The following SLC8B1 variants were observed in gnomAD, a reference collection of about 807,000 sequenced individuals.
SLC8B1 encodes mitochondrial sodium/calcium exchanger protein.
A neutral mutation model predicts 63.4 loss-of-function variants in SLC8B1; 52 were observed. The observed-to-expected ratio is 0.82, with a 90% CI of 0.66 to 1.03. The LOEUF (loss-of-function observed/expected upper bound fraction) is 1.03. Ranked by LOEUF, SLC8B1 falls within the 50% of genes least tolerant of loss-of-function variation. The probability of loss-of-function intolerance (pLI) is 0.00; values close to 1 mark genes in which losing one functional copy is unlikely to be tolerated. For missense variants in SLC8B1, 657 were observed against 741.7 expected (o/e 0.89, Z 1.33); for synonymous variants, 336 against 323.9 (o/e 1.04, Z -0.40).
intron 11 of SLC8B1, 111 bp from the exon 12 acceptor site, chr12:113,310,466 GAC>G: frequency 7.1e-7 from 1 of 1,399,642 alleles, no homozygotes; most frequent in Non-Finnish European, 9.4e-7. Context: ...CCCTGTCCTA[GAC>G]ACTTCATGGG....
chr12:113,302,951 A>T (rs563689542), intron 15 of SLC8B1, among the ~76,000 whole-genome samples: 4 of 152,202 alleles, frequency 2.6e-5, no homozygotes, highest in African/African-American at 7.2e-5. Flanking sequence ...TTGATGTCTC[A>T]TGCCATTTAA....
Position 113,332,870 on chromosome 12 carries a change from G to A in SLC8B1, c.9C>T (p.Gly3=), listed in dbSNP as rs764503469. Residue 3 remains glycine, a synonymous_variant, in exon 2 of 16, where the codon GGC becomes GGT. Transcript: ENST00000680972. ...GTGCCCAGCGCAGATTCAGCCTTCT[G>A]CCGGCCATCTGCCCCCACGGGGCCT... is the stretch of plus-strand genomic sequence containing the variant. MA[G]RRLNLRWALS... 1 of 1,613,914 alleles carries A rather than the reference G, an allele frequency of 6.2e-7. No homozygotes were observed. The highest frequency in any genetic ancestry group is 1.1e-5 in the South Asian group (1 of 91,080).
intron 15 of SLC8B1, 146 bp from the exon 16 acceptor site, chr12:113,300,120 GCAGCCTCAACAACAATC>G (rs1217623760): frequency 1.9e-5 from 12 of 617,068 alleles, no homozygotes; most frequent in African/African-American, 9.5e-5. Context: ...CAGCAACAAT[GCAGCCTCAACAACAATC>G]CAGCCTCAAC....
chr12:113,324,316 A>C (rs950551799), intron 2 of SLC8B1, among the ~76,000 whole-genome samples: 34 of 151,816 alleles, frequency 2.2e-4, no homozygotes, highest in South Asian at 4.1e-4. Flanking sequence ...GTCTCAAAAA[A>C]AAACAAACAA....
In SLC8B1 at chr12:113,332,744, C is replaced by T. The variant is rs1344388274; in HGVS notation, c.135G>A (p.Val45=). 1 of 1,613,918 alleles carries T rather than the reference C, an allele frequency of 6.2e-7. No homozygotes were observed. Among genetic ancestry groups the T allele is most frequent in the Non-Finnish European group, 8.5e-7 (1 of 1,179,986 alleles). Residue 45 remains valine (V), a synonymous_variant, in exon 2 of 16, where the codon GTG becomes GTA. Transcript: ENST00000680972. ...TCACGTCTACCACGGGGGTCTGGTT[C>T]ACACCTGAAGCTGGAAACTGGGGGC... ...HISPQFPASG[V]NQTPVVDCRK...
rs555781644 is a variant in SLC8B1 at position 113,305,169 on chromosome 12, C to T, written c.1493-784G>A. On this transcript the variant is annotated intron_variant, in intron 14 of 15. Coordinates refer to ENST00000680972, the MANE Select transcript of SLC8B1 (RefSeq NM_001358345.2). This position sits in a 1 kb window ranked among gnomAD's most constrained non-coding sequence, Gnocchi z 4.3. ...AGGGAACTGGTGATAGTGTGTGGGCCGAGGCCATCTCTAGGGGTCGTTCAG... is the reference window on the plus strand; with the variant it reads ...AGGGAACTGGTGATAGTGTGTGGGCTGAGGCCATCTCTAGGGGTCGTTCAG... Among the ~76,000 whole-genome samples, 5 of 152,274 alleles carry T rather than the reference C, an allele frequency of 3.3e-5. No homozygotes were observed. The highest frequency in any genetic ancestry group is 1.2e-4 in the African/African-American group (5 of 41,564).
intron 11 of SLC8B1, among the ~76,000 whole-genome samples, chr12:113,314,495 C>T (rs997270452): frequency 1.3e-5 from 2 of 152,226 alleles, no homozygotes; most frequent in South Asian, 2.1e-4. Context: ...AGTTAGAAGA[C>T]GTTGGACAAG....
chr12:113,304,187 C>A, intron 15 of SLC8B1, 134 bp downstream of exon 15: 1 of 732,258 alleles, frequency 1.4e-6, no homozygotes, highest in Non-Finnish European at 2.4e-6. Flanking sequence ...GCCAAGATGT[C>A]CTAGCTCACT....
chr12:113,325,120 A>G (rs1956980867), intron 2 of SLC8B1, among the ~76,000 whole-genome samples: 1 of 152,226 alleles, frequency 6.6e-6, no homozygotes, highest in South Asian at 2.1e-4. Context: ...ATCAAATGAG[A>G]TTACAGGTGT....
chr12:113,328,895 A>C (rs2136867476), intron 2 of SLC8B1, among the ~76,000 whole-genome samples: 1 of 151,864 alleles, frequency 6.6e-6, no homozygotes, highest in Admixed American at 6.6e-5. Flanking sequence ...GGGATTGCAG[A>C]CGTCCACCAC....
chr12:113,317,982 GTGT>G (rs1285300714), intron 8 of SLC8B1, among the ~76,000 whole-genome samples: 2 of 151,934 alleles, frequency 1.3e-5, no homozygotes, highest in African/African-American at 4.8e-5. Context: ...ACACATTTGT[GTGT>G]TGTGTGAGCA....
At position 113,320,530 on chromosome 12, in the gene SLC8B1, T is replaced by C; in HGVS notation, c.527-32A>G. On this transcript the variant is annotated intron_variant, in intron 6 of 15. Coordinates refer to ENST00000680972, the MANE Select transcript of SLC8B1 (RefSeq NM_001358345.2). The surrounding 1 kb of genome is among the most constrained non-coding windows in gnomAD (Gnocchi z 5.3). ...GGAGGAGGCCAGAGCTCAGCCACCC[T>C]GCACCCTCTCCTGCTGCTTTCCCCG... The C allele has an allele frequency of 6.2e-7, 1 of 1,613,938 alleles. No individual in the cohort carries two copies. Among genetic ancestry groups the C allele is most frequent in the Non-Finnish European group, 8.5e-7 (1 of 1,179,976 alleles).
Position 113,305,437 on chromosome 12 carries a change from A to ATT in SLC8B1, c.1493-1053_1493-1052insAA, listed in dbSNP as rs1956657235. On this transcript the variant is annotated intron_variant, in intron 14 of 15. Coordinates refer to ENST00000680972, the MANE Select transcript of SLC8B1 (RefSeq NM_001358345.2). This position sits in a 1 kb window ranked among gnomAD's most constrained non-coding sequence, Gnocchi z 4.3. The stretch of plus-strand genomic sequence containing the variant: ...GCGGCCCTTCAGGCACTTTGTGATC[A>ATT]TCTTTCTTTCTTTAGCAGCCAACAG... Among the ~76,000 whole-genome samples, 1 of 152,214 alleles carries ATT rather than the reference A, an allele frequency of 6.6e-6. No individual in the cohort carries two copies. The highest frequency in any genetic ancestry group is 1.5e-5 in the Non-Finnish European group (1 of 68,032).
rs1566225230 is a variant in SLC8B1, at chr12:113,306,500, A to G, written c.1487T>C (p.Ile496Thr). 6.2e-7 allele frequency: 1 copy of G among 1,612,218 alleles called. No homozygotes were observed. Among genetic ancestry groups the G allele is most frequent in the Non-Finnish European group, 8.5e-7 (1 of 1,179,016 alleles). ...GAACAGACCACAAAGGATACTGAAG[A>G]TGATGCCGCCAAAGCAGGCGGAGAA... Reference protein sequence around the residue: ...MAFSACFGGIIFNILVGVGLG... With the variant: ...MAFSACFGGITFNILVGVGLG... The change falls in exon 14 of 16, where the codon ATC (isoleucine) becomes ACC (threonine). Residue 496 changes from isoleucine to threonine, a missense_variant. By Grantham distance (89) the Ile-to-Thr change is moderately conservative. Transcript: ENST00000680972.
intron 8 of SLC8B1, among the ~76,000 whole-genome samples, chr12:113,318,210 CAT>C (rs375963322): frequency 0.027 from 4,114 of 150,894 alleles, 65 homozygotes; most frequent in Middle Eastern, 0.06. Flanking sequence ...TGCATGTATT[CAT>C]ATATGTGTTG....
At chr12:113,307,315 C>G (rs1012262241) in intron 13 of SLC8B1, among the ~76,000 whole-genome samples, 2 of 152,116 alleles carry the variant, frequency 1.3e-5, no homozygotes, top group African/African-American at 4.8e-5. Context: ...ACCTGGCCAA[C>G]CACACCTGGC....
At chr12:113,317,385 G>C (rs538029213) in intron 8 of SLC8B1, among the ~76,000 whole-genome samples, 1 of 152,176 alleles carries the variant, frequency 6.6e-6, no homozygotes, top group African/African-American at 2.4e-5. Flanking sequence ...CACTGCGCCC[G>C]GCCACGTCCA....
rs1417650088 is a variant in SLC8B1 at position 113,321,266 on chromosome 12, T to C, written c.239A>G (p.Tyr80Cys). The change falls in exon 3 of 16, where the codon TAC becomes TGC. Residue 80 changes from tyrosine (Y) to cysteine (C), a missense_variant. Coordinates refer to ENST00000680972, the MANE Select transcript of SLC8B1 (RefSeq NM_001358345.2). Reference sequence around the variant, plus strand: ...GAAGATGCCTTCCAGGTAGTCCAGGTACCCCCCATCACTGTGGCAGTCAGG... The same window carrying C: ...GAAGATGCCTTCCAGGTAGTCCAGGCACCCCCCATCACTGTGGCAGTCAGG... Reference protein sequence around the residue: ...TNPDCHSDGGYLDYLEGIFCH... With the variant: ...TNPDCHSDGGCLDYLEGIFCH... 1.2e-6 allele frequency: 2 copies of C among 1,614,122 alleles called. No individual in the cohort carries two copies. The highest frequency in any genetic ancestry group is 2.2e-5 in the South Asian group (2 of 91,078).
At chr12:113,328,362 C>T (rs1429501635) in intron 2 of SLC8B1, among the ~76,000 whole-genome samples, 3 of 152,160 alleles carry the variant, frequency 2.0e-5, no homozygotes, top group Admixed American at 1.3e-4. Flanking sequence ...TACTTGAATT[C>T]ATCCCTTCCT....
Sources: allele counts gnomAD v4.1 joint callset (sites outside exome capture counted in the v4.1 genomes callset), GRCh38; gene constraint gnomAD v4.1.1; non-coding constraint Gnocchi (gnomAD v3.1); transcripts MANE v1.5; gene names NCBI Gene and HGNC (gene_info 2026-07-23, HGNC 2026-07-21).